The following TULP2 variants were observed in gnomAD, a reference collection of about 807,000 sequenced individuals.
TULP2 encodes tubby-related protein 2.
A neutral mutation model predicts 60.3 loss-of-function variants in TULP2; 64 were observed. The observed-to-expected ratio is 1.06, with a 90% confidence interval of 0.87 to 1.31. The LOEUF is 1.31. Among genes scored for constraint, TULP2 ranks in the 50% most tolerant of loss-of-function variants. TULP2 has a pLI of 0.00. For missense variants in TULP2, 652 were observed against 667.0 expected (o/e 0.98, Z 0.25); for synonymous variants, 267 against 265.4 (o/e 1.01, Z -0.06).
In TULP2 at chr19:48,897,455, G is replaced by C. The variant is rs377588178; in HGVS notation, c.33-59C>G. On this transcript the variant is annotated intron_variant, in intron 2 of 12. Transcript: ENST00000221399. This position sits in a 1 kb window ranked among gnomAD's most constrained non-coding sequence, Gnocchi z 4.0. ...CAGGGAACCTCGGTTGCCCAAGAGAGTCCCTCCTTCCCCCATCCTGCCCCT... is the reference window on the plus strand; with the variant it reads ...CAGGGAACCTCGGTTGCCCAAGAGACTCCCTCCTTCCCCCATCCTGCCCCT... 3.8e-6 allele frequency: 6 copies of C among 1,568,450 alleles called. No individual in the cohort carries two copies. In the African/African-American group the frequency reaches 8.1e-5, roughly 21 times the overall value.
At chr19:48,881,939 C>T (rs2037136524) in intron 12 of TULP2, 93 bp downstream of exon 12, 2 of 1,559,144 alleles carry the variant, frequency 1.3e-6, no homozygotes, top group East Asian at 2.2e-5. Flanking sequence ...CCTAGAAAAA[C>T]GCTCAAGTGA....
At chr19:48,885,378 G>A in intron 9 of TULP2, 70 bp downstream of exon 9, 1 of 1,294,666 alleles carries the variant, frequency 7.7e-7, no homozygotes, top group South Asian at 1.2e-5. Flanking sequence ...TGGCCTGCTG[G>A]GAAATGGAGT....
At chr19:48,893,433 G>A (rs1281145692) in intron 6 of TULP2, among the ~76,000 whole-genome samples, 1 of 151,950 alleles carries the variant, frequency 6.6e-6, no homozygotes, top group East Asian at 1.9e-4. Context: ...ATATGTATAC[G>A]ATTCCATTTG....
chr19:48,891,357 G>A (rs1463104882), intron 6 of TULP2, among the ~76,000 whole-genome samples: 1 of 151,560 alleles, frequency 6.6e-6, no homozygotes, highest in Non-Finnish European at 1.5e-5. Context: ...GGTGGGCCAG[G>A]GGCGGTGGCT....
chr19:48,895,186 T>C, intron 5 of TULP2, 24 bp from the exon 6 acceptor site: 2 of 1,607,300 alleles, frequency 1.2e-6, no homozygotes, highest in Non-Finnish European at 1.7e-6. Flanking sequence ...GAGGGGAGAG[T>C]TGGATTTCTG....
rs751645082 is a variant in TULP2 at position 48,882,085 on chromosome 19, C to T, written c.1394G>A (p.Gly465Asp). The change falls in exon 12 of 13, where the codon GGT becomes GAT. Residue 465 changes from glycine to aspartate, a missense_variant. Physicochemically the swap from Gly to Asp is moderately conservative, Grantham distance 94 (BLOSUM62 -1). Coordinates refer to ENST00000221399, the MANE Select transcript of TULP2 (RefSeq NM_003323.3). ...CTTCACCGAAGCCCGAGTGACTCGACCATGGAAATTGAGCGTGTAGACACC... is the reference window on the plus strand; with the variant it reads ...CTTCACCGAAGCCCGAGTGACTCGATCATGGAAATTGAGCGTGTAGACACC... The part of the protein sequence containing the change: ...ENGVYTLNFH[G>D]RVTRASVKNF... 8 of 1,614,074 alleles carry T rather than the reference C, an allele frequency of 5.0e-6. No individual in the cohort carries two copies. In the East Asian group the frequency reaches 1.8e-4, roughly 36 times the overall value.
At chr19:48,894,485 A>G (rs1010833577) in intron 6 of TULP2, among the ~76,000 whole-genome samples, 2 of 152,040 alleles carry the variant, frequency 1.3e-5, no homozygotes, top group African/African-American at 4.8e-5. Flanking sequence ...TACTAAAAAT[A>G]CAAAAATTAG....
intron 8 of TULP2, among the ~76,000 whole-genome samples, chr19:48,885,860 G>A (rs1299813764): frequency 1.3e-5 from 2 of 151,724 alleles, no homozygotes; most frequent in Non-Finnish European, 2.9e-5. Context: ...ACTCCAGCCT[G>A]GGCAATAGAC....
intron 7 of TULP2, 141 bp from the exon 8 acceptor site, chr19:48,888,402 AC>A (rs2037203352): frequency 1.2e-6 from 1 of 823,894 alleles, no homozygotes; most frequent in Non-Finnish European, 1.8e-6. Context: ...CATTCAGTCC[AC>A]CCAGTCACGC....
intron 3 of TULP2, 118 bp from the exon 4 acceptor site, chr19:48,896,674 C>CT: frequency 7.9e-7 from 1 of 1,266,176 alleles, no homozygotes; most frequent in South Asian, 1.6e-5. Context: ...CCTTCCTCCA[C>CT]TGGGGCCCAC....
rs143783315 is a variant in TULP2, at chr19:48,881,103, C to T, written c.1471G>A (p.Gly491Ser). Reference sequence around the variant, plus strand: ...GTGAATGTGTCTGGGCCCACTCGGCCGAACTGGAGCACCAGATGTTCTTCT... The same window carrying T: ...GTGAATGTGTCTGGGCCCACTCGGCTGAACTGGAGCACCAGATGTTCTTCT... ...KHQEHLVLQF[G>S]RVGPDTFTMD... The change falls in exon 13 of 13, where the codon GGC (glycine) becomes AGC (serine). Residue 491 changes from glycine to serine, a missense_variant. Transcript: ENST00000221399. The T allele has an allele frequency of 4.3e-6, 7 of 1,612,884 alleles. No individual in the cohort carries two copies. The highest frequency in any genetic ancestry group is 5.1e-6 in the Non-Finnish European group (6 of 1,179,410).
rs2037173196 is a variant in TULP2 at position 48,885,646 on chromosome 19, G to A, written c.949-86C>T. Reference sequence around the variant, plus strand: ...TGCCTGTAATCCCTGCACTTTGGGAGGCTGCGGCGGGCAGATCACTTGAGG... The same window carrying A: ...TGCCTGTAATCCCTGCACTTTGGGAAGCTGCGGCGGGCAGATCACTTGAGG... On this transcript the variant is annotated intron_variant, in intron 8 of 12. Coordinates refer to ENST00000221399, the MANE Select transcript of TULP2 (RefSeq NM_003323.3). 5 of 1,193,146 alleles carry A rather than the reference G, an allele frequency of 4.2e-6. No individual in the cohort carries two copies. In the South Asian group the frequency reaches 6.5e-5, roughly 15 times the overall value. 73.9% of individuals were successfully genotyped at this position (1,193,146 alleles called of 1,614,324 possible).
Position 48,897,345 on chromosome 19 carries a change from C to T in TULP2, c.84G>A (p.Gln28=). 2 of 1,613,660 alleles carry T rather than the reference C, an allele frequency of 1.2e-6. No individual in the cohort carries two copies. The highest frequency in any genetic ancestry group is 1.7e-6 in the Non-Finnish European group (2 of 1,179,800). The change falls in exon 3 of 13, where the codon CAG becomes CAA. Residue 28 remains glutamine, a splice_region_variant and synonymous_variant. Transcript: ENST00000221399. The surrounding 1 kb of genome is among the most constrained non-coding windows in gnomAD (Gnocchi z 4.0). The part of the protein sequence containing the change: ...AAMRLQKLEQ[Q]RRLFEKKQRQ... Reference sequence around the variant, plus strand: ...GTGGTGAGATTCCTGGGCACAATACCTGCTGTTCCAGCTTCTGCAGCCTCA... The same window carrying T: ...GTGGTGAGATTCCTGGGCACAATACTTGCTGTTCCAGCTTCTGCAGCCTCA...
At chr19:48,881,189 GAGAC>G in intron 12 of TULP2, 63 bp from the exon 13 acceptor site, 1 of 630,072 alleles carries the variant, frequency 1.6e-6, no homozygotes, top group Non-Finnish European at 2.6e-6. Context: ...TTCGAGAACT[GAGAC>G]TTTTTTTTTT....
In TULP2 at chr19:48,897,014, C is replaced by G. The variant is rs1041462047; in HGVS notation, c.84+331G>C. The stretch of plus-strand genomic sequence containing the variant: ...AAACGATTCTCCTGCCTCAGCCTCC[C>G]GAGTAGCTGGGATTACAGGCGCCTG... On this transcript the variant is annotated intron_variant, in intron 3 of 12. Coordinates refer to ENST00000221399, the MANE Select transcript of TULP2 (RefSeq NM_003323.3). The surrounding 1 kb of genome is among the most constrained non-coding windows in gnomAD (Gnocchi z 4.0). 6.6e-6 allele frequency among the ~76,000 whole-genome samples: 1 copy of G among 152,012 alleles called. No homozygotes were observed. The highest frequency in any genetic ancestry group is 1.5e-5 in the Non-Finnish European group (1 of 68,000).
chr19:48,898,088 C>A (rs1425878436), intron 1 of TULP2, among the ~76,000 whole-genome samples: 2 of 152,054 alleles, frequency 1.3e-5, no homozygotes, highest in Non-Finnish European at 2.9e-5. Context: ...TCTCCTGCCT[C>A]AGCCTCCCGA....
At chr19:48,887,562 G>A (rs920795644) in intron 8 of TULP2, among the ~76,000 whole-genome samples, 2 of 150,130 alleles carry the variant, frequency 1.3e-5, no homozygotes, top group Non-Finnish European at 3.0e-5. Context: ...TTGTTGGTTG[G>A]TTTTTTGTTT....
chr19:48,887,166 C>T (rs571387346), intron 8 of TULP2, among the ~76,000 whole-genome samples: 2 of 151,602 alleles, frequency 1.3e-5, no homozygotes, highest in African/African-American at 4.8e-5. Context: ...CGCCCACAAC[C>T]ACGCCTGGCT....
chr19:48,881,012 T>C lies in TULP2; in HGVS notation c.1562A>G (p.Ter521TrpextTer6). ...AFSICLSSFN[*>W] ...ATTGAGTTATTCAACAGCCAGCTTC[T>C]AATTGAAACTGGACAAGCAGATGCT... Residue 521 changes from the stop codon to tryptophan (W), a stop_lost, in exon 13 of 13, where the codon TAG becomes TGG. Coordinates refer to ENST00000221399, the MANE Select transcript of TULP2 (RefSeq NM_003323.3). 6.2e-7 allele frequency: 1 copy of C among 1,611,194 alleles called. No homozygotes were observed. The highest frequency in any genetic ancestry group is 8.5e-7 in the Non-Finnish European group (1 of 1,177,612).
Sources: allele counts gnomAD v4.1 joint callset (sites outside exome capture counted in the v4.1 genomes callset), GRCh38; gene constraint gnomAD v4.1.1; non-coding constraint Gnocchi (gnomAD v3.1); transcripts MANE v1.5; gene names NCBI Gene and HGNC (gene_info 2026-07-23, HGNC 2026-07-21).